SENP5: variants seen among roughly 807,000 people sequenced by gnomAD.
The protein encoded by SENP5 is SUMO specific peptidase 5.
SENP5 carries 21 observed loss-of-function variants against 74.2 expected under a neutral mutation model. The observed-to-expected ratio is 0.28, with a 90% CI of 0.20 to 0.41. The LOEUF (loss-of-function observed/expected upper bound fraction) is 0.41. SENP5 is among the 10% of genes least tolerant of loss of function. The probability of loss-of-function intolerance (pLI) is 1.00; values close to 1 mark genes in which losing one functional copy is unlikely to be tolerated. For synonymous variants in SENP5, 311 were observed against 312.7 expected (o/e 0.99, Z 0.06); for missense variants, 717 against 889.1 (o/e 0.81, Z 2.46).
intron 1 of SENP5, among the ~76,000 whole-genome samples, chr3:196,883,373 A>G (rs896877521): frequency 6.6e-6 from 1 of 152,064 alleles, no homozygotes; most frequent in Middle Eastern, 3.2e-3. Context: ...TCTTGTGGGT[A>G]TAGAGCTTCT....
intron 5 of SENP5, 37 bp from the exon 6 acceptor site, chr3:196,903,496 A>G: frequency 1.4e-6 from 2 of 1,386,124 alleles, no homozygotes; most frequent in Non-Finnish European, 2.0e-6. Flanking sequence ...GCACAGCCTA[A>G]TATAATCTGG....
chr3:196,928,451 T>G (rs766315049), intron 8 of SENP5, among the ~76,000 whole-genome samples: 46 of 152,242 alleles, frequency 3.0e-4, no homozygotes, highest in Non-Finnish European at 4.7e-4. Context: ...TCCAGTGTTT[T>G]TGTGTATTGG....
At chr3:196,884,180 A>G (rs573083467) in intron 1 of SENP5, among the ~76,000 whole-genome samples, 3 of 152,380 alleles carry the variant, frequency 2.0e-5, no homozygotes, top group African/African-American at 7.2e-5. Flanking sequence ...TAGTAAATAC[A>G]TGTGAGGTCA....
At position 196,885,355 on chromosome 3, in the gene SENP5, G is replaced by A. The variant is rs750844771; in HGVS notation, c.174G>A (p.Gln58=). Residue 58 remains glutamine (Q), a synonymous_variant, in exon 2 of 10, where the codon CAG becomes CAA. Transcript: ENST00000323460. Reference sequence around the variant, plus strand: ...GGAATAGACAGTTGAGACATTTCCAGGGTAGAAAGAAAGCTCTTCAAATCC... The same window carrying A: ...GGAATAGACAGTTGAGACATTTCCAAGGTAGAAAGAAAGCTCTTCAAATCC... The part of the protein sequence containing the change: ...VTWNRQLRHF[Q]GRKKALQIQK... 1.2e-6 allele frequency: 2 copies of A among 1,614,196 alleles called. No individual in the cohort carries two copies. Among genetic ancestry groups the A allele is most frequent in the Non-Finnish European group, 1.7e-6 (2 of 1,180,030 alleles).
At chr3:196,873,528 C>A (rs908076807) in intron 1 of SENP5, among the ~76,000 whole-genome samples, 2 of 151,690 alleles carry the variant, frequency 1.3e-5, no homozygotes, top group African/African-American at 4.8e-5. Context: ...TAAATTATAT[C>A]TTTAAAAAAT....
chr3:196,927,086 A>G (rs1189989120), intron 7 of SENP5, among the ~76,000 whole-genome samples: 1 of 152,218 alleles, frequency 6.6e-6, no homozygotes, highest in African/African-American at 2.4e-5. Context: ...AGATAGTTCA[A>G]CAGTGGACTT....
chr3:196,898,922 C>CA (rs941653684), intron 2 of SENP5, among the ~76,000 whole-genome samples: 3 of 151,284 alleles, frequency 2.0e-5, no homozygotes, highest in Admixed American at 6.6e-5. Context: ...ACTAAAAATA[C>CA]AAAAAAATTA....
At chr3:196,912,949 C>A (rs569573593) in intron 6 of SENP5, 4 of 152,210 alleles carry the variant, frequency 2.6e-5, no homozygotes, top group African/African-American at 9.6e-5. Context: ...GAATATTAAT[C>A]ATATTAATAG....
intron 6 of SENP5, chr3:196,914,066 T>C (rs558821265): frequency 2.0e-5 from 3 of 152,212 alleles, no homozygotes; most frequent in Non-Finnish European, 2.9e-5. Context: ...GATCCTGGAC[T>C]GGAAGAGATG....
intron 2 of SENP5, among the ~76,000 whole-genome samples, chr3:196,895,123 C>T (rs1453754441): frequency 6.6e-6 from 1 of 152,050 alleles, no homozygotes; most frequent in Non-Finnish European, 1.5e-5. Flanking sequence ...GAATGTGACC[C>T]AGGTCAGTTG....
At chr3:196,875,890 T>G (rs978092928) in intron 1 of SENP5, among the ~76,000 whole-genome samples, 1 of 152,136 alleles carries the variant, frequency 6.6e-6, no homozygotes, top group Middle Eastern at 3.4e-3. Flanking sequence ...CCACCACTTT[T>G]GGCTATTTTT....
chr3:196,885,056 CT>C (rs1010891289), intron 1 of SENP5, 94 bp from the exon 2 acceptor site: 44 of 687,698 alleles, frequency 6.4e-5, no homozygotes, highest in Non-Finnish European at 7.7e-5. Context: ...TATATGTACT[CT>C]TTTTTTTTCT....
intron 1 of SENP5, among the ~76,000 whole-genome samples, chr3:196,884,107 A>G (rs568152655): frequency 2.0e-5 from 3 of 152,354 alleles, no homozygotes; most frequent in African/African-American, 7.2e-5. Context: ...AATTAGTTTC[A>G]TACAGCAGAT....
chr3:196,931,910 G>C lies in SENP5; in HGVS notation c.*987G>C, dbSNP rs770928532. On this transcript the variant is annotated 3_prime_UTR_variant, in exon 10 of 10. Transcript: ENST00000323460. ...AAGGCTGACTGACTTGAGATGTTTT[G>C]CAGGTGGCTGGAGAGAAGAGGGAAG... 1 of 454,350 alleles carries C rather than the reference G, an allele frequency of 2.2e-6. No individual in the cohort carries two copies. Among genetic ancestry groups the C allele is most frequent in the South Asian group, 1.6e-5 (1 of 64,154 alleles). 28.1% of individuals were successfully genotyped at this position (454,350 alleles called of 1,614,324 possible).
At chr3:196,902,170 G>T (rs1391664942) in intron 5 of SENP5, among the ~76,000 whole-genome samples, 1 of 152,222 alleles carries the variant, frequency 6.6e-6, no homozygotes, top group Non-Finnish European at 1.5e-5. Context: ...AGGCTGGAAT[G>T]CAGTGGCACA....
At chr3:196,907,654 C>T (rs1714959193) in intron 6 of SENP5, among the ~76,000 whole-genome samples, 2 of 151,878 alleles carry the variant, frequency 1.3e-5, no homozygotes, top group South Asian at 4.2e-4. Flanking sequence ...CAGGGGTGTC[C>T]AATCTTTTGG....
At chr3:196,900,664 C>T (rs752312830) in intron 5 of SENP5, among the ~76,000 whole-genome samples, 9 of 152,156 alleles carry the variant, frequency 5.9e-5, no homozygotes, top group Non-Finnish European at 1.2e-4. Flanking sequence ...CGGCTCATTG[C>T]AACCTCCACC....
chr3:196,884,941 T>G (rs1450657237), intron 1 of SENP5, among the ~76,000 whole-genome samples: 1 of 152,164 alleles, frequency 6.6e-6, no homozygotes, highest in Non-Finnish European at 1.5e-5. Flanking sequence ...GTACAGCAAA[T>G]GGCTTTTTGT....
At chr3:196,926,195 A>G (rs1011719308) in intron 7 of SENP5, among the ~76,000 whole-genome samples, 6 of 152,188 alleles carry the variant, frequency 3.9e-5, no homozygotes, top group Admixed American at 2.6e-4. Flanking sequence ...AAGAATGTAC[A>G]TATACTGGCC....
Sources: gnomAD v4.1 joint callset for allele counts (sites outside exome capture counted in the v4.1 genomes callset) on GRCh38, gnomAD v4.1.1 for gene constraint, MANE v1.5 for transcripts, NCBI Gene and HGNC (gene_info 2026-07-23, HGNC 2026-07-21) for gene names.